Variants in MTA3 observed in about 807,000 individuals in gnomAD.
MTA3 encodes metastasis associated 1 family member 3.
MTA3 carries 34 observed loss-of-function variants against 83.5 expected under a neutral mutation model. The observed-to-expected ratio is 0.41, with a 90% CI of 0.31 to 0.54. The LOEUF (loss-of-function observed/expected upper bound fraction) is 0.54, where lower values mean the gene tolerates loss of function less well. Among genes scored for constraint, MTA3 ranks in the 20% least tolerant of loss-of-function variants. MTA3 has a pLI of 0.33. For synonymous variants in MTA3, 303 were observed against 252.7 expected (o/e 1.20, Z -1.89); for missense variants, 761 against 726.4 (o/e 1.05, Z -0.55).
intron 3 of MTA3, among the ~76,000 whole-genome samples, chr2:42,588,977 G>A (rs1220659352): frequency 6.6e-6 from 1 of 152,070 alleles, no homozygotes; most frequent in African/African-American, 2.4e-5. Context: ...CCTTAGTTTT[G>A]CACTTAGGGC....
chr2:42,673,654 G>A (rs949227079), intron 8 of MTA3, among the ~76,000 whole-genome samples: 10 of 152,280 alleles, frequency 6.6e-5, no homozygotes, highest in South Asian at 4.1e-4. Context: ...TGGAATAAAA[G>A]GCAAGGAGGC....
Position 42,563,358 on chromosome 2 carries a change from G to A in MTA3, c.-140-7079G>A, listed in dbSNP as rs369338551. On this transcript the variant is annotated intron_variant, in intron 2 of 17. Transcript: ENST00000405592. ...TAATTTTTGTATTTTTAATAGAGACGGGGTTTTGCCATGCTGGCCAGGCTG... is the reference window on the plus strand; with the variant it reads ...TAATTTTTGTATTTTTAATAGAGACAGGGTTTTGCCATGCTGGCCAGGCTG... 4.0e-5 allele frequency among the ~76,000 whole-genome samples: 6 copies of A among 151,734 alleles called. No individual in the cohort carries two copies. In the East Asian group the frequency reaches 7.8e-4, roughly 20 times the overall value.
At chr2:42,553,103 C>A (rs1298965717) in intron 2 of MTA3, among the ~76,000 whole-genome samples, 1 of 151,712 alleles carries the variant, frequency 6.6e-6, no homozygotes, top group African/African-American at 2.4e-5. Flanking sequence ...ATAGGGAGAC[C>A]CTGTCTCTAC....
chr2:42,656,773 T>C (rs1689209338), intron 7 of MTA3, among the ~76,000 whole-genome samples: 1 of 152,190 alleles, frequency 6.6e-6, no homozygotes, highest in South Asian at 2.1e-4. Flanking sequence ...CTTCCTCCCC[T>C]TTTCTTAAGA....
chr2:42,708,651 TG>T (rs1490284579), intron 13 of MTA3, among the ~76,000 whole-genome samples: 1 of 152,212 alleles, frequency 6.6e-6, no homozygotes, highest in Non-Finnish European at 1.5e-5. Flanking sequence ...TTTGGATTCC[TG>T]TATAGCAGTA....
chr2:42,656,003 C>T (rs772101587), intron 6 of MTA3, among the ~76,000 whole-genome samples, 197 bp from the exon 7 acceptor site: 1 of 152,198 alleles, frequency 6.6e-6, no homozygotes, highest in Non-Finnish European at 1.5e-5. Flanking sequence ...AGATACCTTT[C>T]GGTTAGTTTG....
chr2:42,692,285 G>C (rs1692969218), intron 9 of MTA3, among the ~76,000 whole-genome samples: 1 of 151,912 alleles, frequency 6.6e-6, no homozygotes, highest in Admixed American at 6.6e-5. Flanking sequence ...CATGTTAATT[G>C]CATTTTCAAC....
rs1678076368 is a variant in MTA3, at chr2:42,568,675, G to C, written c.-71G>C. On this transcript the variant is annotated 5_prime_UTR_variant, in exon 1 of 17. Transcript: ENST00000405094. ...CGGCGGCGGCGGCAGCGGCGGTCGC[G>C]GCTGAGGCTGAGGAGGAGGCGGCGG... The C allele has an allele frequency of 1.7e-6, 2 of 1,145,548 alleles. No individual in the cohort carries two copies. The highest frequency in any genetic ancestry group is 2.2e-6 in the Non-Finnish European group (2 of 924,216). 71.0% of individuals were successfully genotyped at this position (1,145,548 alleles called of 1,614,324 possible). A position where few individuals can be genotyped will look rare whatever the true frequency, so the allele number is the denominator to read the frequency against.
At chr2:42,562,546 C>A (rs375936451) in intron 2 of MTA3, among the ~76,000 whole-genome samples, 2 of 152,136 alleles carry the variant, frequency 1.3e-5, no homozygotes, top group African/African-American at 4.8e-5. Context: ...AGGCCATTCC[C>A]CCTTGGTTTC....
intron 8 of MTA3, among the ~76,000 whole-genome samples, chr2:42,662,616 T>G (rs1166659388): frequency 6.6e-6 from 1 of 152,018 alleles, no homozygotes; most frequent in Admixed American, 6.5e-5. Context: ...TTTTTCCCTG[T>G]GCAAGCACCA....
chr2:42,500,901 C>T (rs1235845037), intron 2 of MTA3, among the ~76,000 whole-genome samples: 2 of 151,082 alleles, frequency 1.3e-5, no homozygotes, highest in East Asian at 2.0e-4. Flanking sequence ...AGCTCTGCCT[C>T]CCGGGTTCAC....
At chr2:42,666,984 C>G (rs1400885594) in intron 8 of MTA3, among the ~76,000 whole-genome samples, 5 of 152,146 alleles carry the variant, frequency 3.3e-5, no homozygotes, top group African/African-American at 1.2e-4. Context: ...TATTTGAATT[C>G]TAATTTTATT....
intron 4 of MTA3, among the ~76,000 whole-genome samples, chr2:42,612,884 A>AAATG (rs1684397552): frequency 6.6e-6 from 1 of 152,122 alleles, no homozygotes. Flanking sequence ...ATAAATAAAT[A>AAATG]ATGAAAAAGA....
intron 16 of MTA3, among the ~76,000 whole-genome samples, chr2:42,742,913 A>T (rs1669137575): frequency 6.6e-6 from 1 of 152,178 alleles, no homozygotes; most frequent in South Asian, 2.1e-4. Context: ...ATTCCAATGG[A>T]TGTTTGTACA....
intron 3 of MTA3, 95 bp downstream of exon 3, chr2:42,579,295 T>C (rs112950591): frequency 1.1e-6 from 1 of 880,174 alleles, no homozygotes; most frequent in Non-Finnish European, 1.7e-6. Flanking sequence ...AGTCTTTTGC[T>C]TGTCCATTTA....
chr2:42,663,061 A>G (rs1689880677), intron 8 of MTA3, among the ~76,000 whole-genome samples: 1 of 152,222 alleles, frequency 6.6e-6, no homozygotes, highest in South Asian at 2.1e-4. Context: ...AATCACTGCA[A>G]GAACTTAGTT....
chr2:42,618,306 G>A (rs549767229), intron 4 of MTA3, among the ~76,000 whole-genome samples: 2 of 152,170 alleles, frequency 1.3e-5, no homozygotes, highest in South Asian at 2.1e-4. Context: ...TATCATTTGA[G>A]AACAGACCTT....
At chr2:42,655,847 T>C (rs1689119839) in intron 6 of MTA3, among the ~76,000 whole-genome samples, 1 of 152,180 alleles carries the variant, frequency 6.6e-6, no homozygotes, top group South Asian at 2.1e-4. Flanking sequence ...AAGTGATCTG[T>C]CTGCCTCGGC....
At chr2:42,658,218 C>T (rs1017309503) in intron 7 of MTA3, among the ~76,000 whole-genome samples, 1 of 151,640 alleles carries the variant, frequency 6.6e-6, no homozygotes. Context: ...CCAATACTCT[C>T]ATATCCTGCT....
Sources: allele counts gnomAD v4.1 joint callset (sites outside exome capture counted in the v4.1 genomes callset), GRCh38; gene constraint gnomAD v4.1.1; transcripts MANE v1.5; gene names NCBI Gene and HGNC (gene_info 2026-07-23, HGNC 2026-07-21).